GABRB1: variants seen among roughly 807,000 people sequenced by gnomAD.
GABRB1 encodes gamma-aminobutyric acid receptor subunit beta-1.
In GABRB1, 17 loss-of-function variants were observed where a neutral mutation model predicts 51.6. The ratio of observed to expected loss-of-function variants is 0.33; its 90% confidence interval spans 0.23 to 0.49. GABRB1 has a LOEUF of 0.49. Among genes scored for constraint, GABRB1 ranks in the 20% least tolerant of loss-of-function variants. The pLI is 0.99. For synonymous variants in GABRB1, 247 were observed against 218.9 expected (o/e 1.13, Z -1.14); for missense variants, 410 against 600.6 (o/e 0.68, Z 3.32).
intron 4 of GABRB1, among the ~76,000 whole-genome samples, chr4:47,203,399 G>GAA (rs3050004): frequency 1.3e-5 from 2 of 151,524 alleles, no homozygotes; most frequent in Admixed American, 6.6e-5. Flanking sequence ...ACTTATCAGA[G>GAA]GAGAGTCCAT....
intron 4 of GABRB1, among the ~76,000 whole-genome samples, chr4:47,295,940 T>TG (rs1371291865): frequency 6.6e-6 from 1 of 151,912 alleles, no homozygotes; most frequent in Non-Finnish European, 1.5e-5. Flanking sequence ...CAGAAGAGAG[T>TG]GGGGGCCAAT....
intron 3 of GABRB1, among the ~76,000 whole-genome samples, chr4:47,071,617 A>G (rs967919702): frequency 3.3e-5 from 5 of 150,950 alleles, no homozygotes; most frequent in African/African-American, 7.3e-5. Context: ...CTGAAATACT[A>G]CATATATCCA....
intron 3 of GABRB1, among the ~76,000 whole-genome samples, chr4:47,153,419 G>A (rs947821784): frequency 5.9e-5 from 9 of 152,142 alleles, no homozygotes; most frequent in East Asian, 3.9e-4. Context: ...GGCTGTCACT[G>A]TGTGAAATGT....
chr4:47,207,762 A>G (rs1720194153), intron 4 of GABRB1, among the ~76,000 whole-genome samples: 1 of 148,146 alleles, frequency 6.8e-6, no homozygotes, highest in Admixed American at 6.9e-5. Flanking sequence ...ATTTATGCAG[A>G]TTTCCATTCT....
chr4:47,055,883 G>A (rs1726576667), intron 3 of GABRB1, among the ~76,000 whole-genome samples: 1 of 152,186 alleles, frequency 6.6e-6, no homozygotes, highest in Non-Finnish European at 1.5e-5. Context: ...TTAGTCCACT[G>A]ATAAGGCTTA....
At chr4:47,066,602 T>C (rs901513365) in intron 3 of GABRB1, among the ~76,000 whole-genome samples, 5 of 152,228 alleles carry the variant, frequency 3.3e-5, no homozygotes, top group African/African-American at 1.2e-4. Flanking sequence ...ACAAAACACT[T>C]TATTTGTTCA....
At chr4:47,235,516 T>C (rs1388936588) in intron 4 of GABRB1, among the ~76,000 whole-genome samples, 1 of 149,410 alleles carries the variant, frequency 6.7e-6, no homozygotes, top group Non-Finnish European at 1.5e-5. Context: ...GCCATTGCAC[T>C]CCAGCCTGGT....
At position 47,031,723 on chromosome 4, in the gene GABRB1, T is replaced by C; in HGVS notation, c.72T>C (p.Cys24=). 6.2e-7 allele frequency: 1 copy of C among 1,613,448 alleles called. No homozygotes were observed. Among genetic ancestry groups the C allele is most frequent in the Non-Finnish European group, 8.5e-7 (1 of 1,179,436 alleles). The change falls in exon 1 of 9, where the codon TGT becomes TGC. Residue 24 remains cysteine, a synonymous_variant. Transcript: ENST00000295454. The part of the protein sequence containing the change: ...SFPVMITMVC[C]AHSTNEPSNM... ...CTGTGATGATTACCATGGTCTGTTG[T>C]GCACACAGGTGAGCTGCTGTTGTTG...
chr4:47,353,375 A>G (rs1359394760), intron 5 of GABRB1, among the ~76,000 whole-genome samples: 1 of 152,242 alleles, frequency 6.6e-6, no homozygotes, highest in African/African-American at 2.4e-5. Context: ...GACTCCCTTG[A>G]TGTTTCCCTT....
At chr4:47,309,433 G>A (rs943506639) in intron 4 of GABRB1, among the ~76,000 whole-genome samples, 1 of 152,098 alleles carries the variant, frequency 6.6e-6, no homozygotes, top group Admixed American at 6.6e-5. Context: ...GGATTGCACT[G>A]AGAAGAGTGT....
At chr4:47,124,501 C>T (rs1716021957) in intron 3 of GABRB1, among the ~76,000 whole-genome samples, 2 of 152,140 alleles carry the variant, frequency 1.3e-5, no homozygotes, top group Admixed American at 1.3e-4. Context: ...TAATAAAGCT[C>T]TGTAACTAAT....
chr4:47,115,482 A>C (rs1366621409), intron 3 of GABRB1, among the ~76,000 whole-genome samples: 1 of 151,410 alleles, frequency 6.6e-6, no homozygotes, highest in Non-Finnish European at 1.5e-5. Flanking sequence ...AATTGGAACA[A>C]TTGACTTTTT....
At chr4:47,193,121 G>GT (rs1399201032) in intron 4 of GABRB1, among the ~76,000 whole-genome samples, 4 of 147,066 alleles carry the variant, frequency 2.7e-5, no homozygotes, top group Non-Finnish European at 5.9e-5. Context: ...TGAGATATGT[G>GT]TTTTTTGTTG....
chr4:47,350,286 T>TATATATAG (rs1553877291), intron 5 of GABRB1, among the ~76,000 whole-genome samples: 1 of 139,942 alleles, frequency 7.1e-6, no homozygotes, highest in African/African-American at 2.7e-5. Context: ...TATATATATA[T>TATATATAG]AGAGAGAGAG....
chr4:47,071,549 C>A (rs1727335535), intron 3 of GABRB1, among the ~76,000 whole-genome samples: 1 of 152,176 alleles, frequency 6.6e-6, no homozygotes, highest in Non-Finnish European at 1.5e-5. Flanking sequence ...CCCTCTCAAG[C>A]CAGCAGTTCC....
chr4:47,079,441 G>C (rs1176912442), intron 3 of GABRB1, among the ~76,000 whole-genome samples: 1 of 152,034 alleles, frequency 6.6e-6, no homozygotes, highest in East Asian at 1.9e-4. Flanking sequence ...TTGTATTTCT[G>C]TGGGATTGGT....
At position 47,069,586 on chromosome 4, in the gene GABRB1, C is replaced by T. The variant is rs553042541; in HGVS notation, c.240+37102C>T. ...TTCCAGCTTATACCCTCAGGAACCA[C>T]ACTCTCTCCAGCCACACCTCTCAGT... On this transcript the variant is annotated intron_variant, in intron 3 of 8. Transcript: ENST00000295454. 1.2e-4 allele frequency among the ~76,000 whole-genome samples: 19 copies of T among 152,256 alleles called. No homozygotes were observed. In the South Asian group the frequency reaches 3.5e-3, roughly 28 times the overall value.
intron 5 of GABRB1, among the ~76,000 whole-genome samples, chr4:47,382,725 T>C (rs756022125): frequency 3.3e-5 from 5 of 152,168 alleles, no homozygotes; most frequent in Non-Finnish European, 5.9e-5. Flanking sequence ...CTTTCCTAAC[T>C]GCTATTCCCA....
chr4:47,390,371 A>T (rs1414023544), intron 5 of GABRB1, among the ~76,000 whole-genome samples: 1 of 152,250 alleles, frequency 6.6e-6, no homozygotes, highest in Non-Finnish European at 1.5e-5. Flanking sequence ...GCATTATCTG[A>T]AACACATTTA....
Sources: gnomAD v4.1 joint callset for allele counts (sites outside exome capture counted in the v4.1 genomes callset) on GRCh38, gnomAD v4.1.1 for gene constraint, MANE v1.5 for transcripts, NCBI Gene and HGNC (gene_info 2026-07-23, HGNC 2026-07-21) for gene names.